The following ZNF264 variants were observed in gnomAD, a reference collection of about 807,000 sequenced individuals.
ZNF264 encodes the protein zinc finger protein 264.
In ZNF264, 11 loss-of-function variants were observed where a neutral mutation model predicts 11.2. That is an observed-to-expected ratio of 0.98 (90% CI 0.62 to 1.63). The LOEUF (loss-of-function observed/expected upper bound fraction) is 1.63, where lower values mean the gene tolerates loss of function less well. Ranked by LOEUF, ZNF264 falls within the 40% of genes most tolerant of loss-of-function variation. ZNF264 has a pLI of 0.00. For synonymous variants in ZNF264, 309 were observed against 279.8 expected (o/e 1.10, Z -1.04); for missense variants, 752 against 768.1 (o/e 0.98, Z 0.25).
rs1011477029 is a variant in ZNF264 at position 57,215,327 on chromosome 19, G to A, written c.*2346G>A. 6.6e-6 allele frequency: 1 copy of A among 152,038 alleles called. No individual in the cohort carries two copies. Among genetic ancestry groups the A allele is most frequent in the African/African-American group, 2.4e-5 (1 of 41,402 alleles). The allele number at this position is 152,038 out of a possible 1,614,324, so 9.4% of individuals were successfully genotyped here. On this transcript the variant is annotated 3_prime_UTR_variant, in exon 4 of 4. Coordinates refer to ENST00000263095, the MANE Select transcript of ZNF264 (RefSeq NM_003417.5). ...AAGGAATATTTCATCTGTATTTGTA[G>A]CACTCCCTTATTCTTTTGATAGCAG...
Position 57,213,047 on chromosome 19 carries a change from A to G in ZNF264, c.*66A>G. On this transcript the variant is annotated 3_prime_UTR_variant, in exon 4 of 4. Coordinates refer to ENST00000263095, the MANE Select transcript of ZNF264 (RefSeq NM_003417.5). ...GTCATATTAGAAATTCGTTCAGTCTAGAGCCTTATTCTCCATCTGATAATT... is the reference window on the plus strand; with the variant it reads ...GTCATATTAGAAATTCGTTCAGTCTGGAGCCTTATTCTCCATCTGATAATT... The G allele has an allele frequency of 1.4e-6, 2 of 1,471,628 alleles. No individual in the cohort carries two copies. The highest frequency in any genetic ancestry group is 2.1e-5 in the Admixed American group (1 of 48,070). The allele number at this position is 1,471,628 out of a possible 1,614,324, so 91.2% of individuals were successfully genotyped here. A position where few individuals can be genotyped will look rare whatever the true frequency, so the allele number is the denominator to read the frequency against.
chr19:57,194,960 G>A (rs1161553575), intron 2 of ZNF264: 1 of 388,692 alleles, frequency 2.6e-6, no homozygotes, highest in African/African-American at 2.1e-5. Flanking sequence ...ATGTTTTTGA[G>A]GTAACAGCTG....
At chr19:57,194,108 G>A in intron 2 of ZNF264, 107 bp downstream of exon 2, 2 of 1,456,954 alleles carry the variant, frequency 1.4e-6, no homozygotes, top group Non-Finnish European at 9.2e-7. Context: ...AATCTACCTT[G>A]CCTCTTTCCC....
At chr19:57,205,629 G>T (rs938006196) in intron 3 of ZNF264, 137 bp downstream of exon 3, 1 of 781,810 alleles carries the variant, frequency 1.3e-6, no homozygotes, top group Admixed American at 2.3e-5. Flanking sequence ...TATCACACTA[G>T]AATGTTCCAT....
Position 57,222,500 on chromosome 19 carries a change from C to T in ZNF264, c.*9519C>T, listed in dbSNP as rs941516112. On this transcript the variant is annotated 3_prime_UTR_variant, in exon 4 of 4. Coordinates refer to ENST00000263095, the MANE Select transcript of ZNF264 (RefSeq NM_003417.5). ...CTTTCAAGAAAGGACCTAGTCTGCTCGCGTTCTCTCTCTCTCTCTCTCTAT... is the reference window on the plus strand; with the variant it reads ...CTTTCAAGAAAGGACCTAGTCTGCTTGCGTTCTCTCTCTCTCTCTCTCTAT... The T allele has an allele frequency of 1.2e-4, 13 of 108,778 alleles. No individual in the cohort carries two copies. In the East Asian group the frequency reaches 2.5e-3, roughly 21 times the overall value. 6.7% of individuals were successfully genotyped at this position (108,778 alleles called of 1,614,324 possible). A position where few individuals can be genotyped will look rare whatever the true frequency, so the allele number is the denominator to read the frequency against.
intron 2 of ZNF264, 192 bp downstream of exon 2, chr19:57,194,193 C>G: frequency 2.8e-6 from 2 of 721,264 alleles, no homozygotes; most frequent in Non-Finnish European, 4.1e-6. Context: ...ACAGGGTACT[C>G]TTTGGCTCCC....
At chr19:57,204,178 A>G (rs2087274294) in intron 2 of ZNF264, among the ~76,000 whole-genome samples, 1 of 149,410 alleles carries the variant, frequency 6.7e-6, no homozygotes, top group South Asian at 2.1e-4. Context: ...TTCACACGCC[A>G]CTGCACTCCA....
intron 2 of ZNF264, among the ~76,000 whole-genome samples, chr19:57,195,167 A>G (rs577184009): frequency 6.6e-6 from 1 of 152,348 alleles, no homozygotes; most frequent in South Asian, 2.1e-4. Context: ...ATAAGGTCAT[A>G]ATTATGCTTA....
intron 1 of ZNF264, among the ~76,000 whole-genome samples, chr19:57,192,813 T>C (rs941390062): frequency 1.3e-5 from 2 of 152,066 alleles, no homozygotes; most frequent in Non-Finnish European, 2.9e-5. Flanking sequence ...CTCACTGCAG[T>C]CTCTGCCTCC....
chr19:57,209,115 A>G (rs1168565092), intron 3 of ZNF264, among the ~76,000 whole-genome samples: 1 of 151,840 alleles, frequency 6.6e-6, no homozygotes, highest in African/African-American at 2.4e-5. Context: ...CTAGTTTTTA[A>G]TTTTGTTCTC....
chr19:57,216,009 T>G lies in ZNF264; in HGVS notation c.*3028T>G, dbSNP rs1160686237. The G allele has an allele frequency of 2.6e-5, 4 of 152,278 alleles. No homozygotes were observed. Among genetic ancestry groups the G allele is most frequent in the Admixed American group, 2.0e-4 (3 of 15,282 alleles). The allele number at this position is 152,278 out of a possible 1,614,324, so 9.4% of individuals were successfully genotyped here. A position where few individuals can be genotyped will look rare whatever the true frequency, so the allele number is the denominator to read the frequency against. On this transcript the variant is annotated 3_prime_UTR_variant, in exon 4 of 4. Transcript: ENST00000263095. ...TTGTTATTCAAGTCAGCTATGTCCT[T>G]GCTGATTTTCTGTCCAGCATTTCTG... is the stretch of plus-strand genomic sequence containing the variant.
rs370551746 is a variant in ZNF264 at position 57,193,964 on chromosome 19, G to A, written c.123G>A (p.Glu41=). Residue 41 remains glutamate (E), a synonymous_variant, in exon 2 of 4, where the codon GAG becomes GAA. Transcript: ENST00000263095. ...LDLAQRTLYQ[E]VMLENCGLLV... is the part of the protein sequence containing the mutation. ...TAGCTCAGCGGACCCTGTACCAGGA[G>A]GTGATGCTGGAAAACTGTGGGCTCC... is the stretch of plus-strand genomic sequence containing the variant. 20 of 1,613,430 alleles carry A rather than the reference G, an allele frequency of 1.2e-5. No homozygotes were observed. Among genetic ancestry groups the A allele is most frequent in the Non-Finnish European group, 1.7e-5 (20 of 1,179,680 alleles).
chr19:57,192,374 A>C, intron 1 of ZNF264: 1 of 985,326 alleles, frequency 1.0e-6, no homozygotes, highest in Non-Finnish European at 1.2e-6. Flanking sequence ...TGAGACGTGG[A>C]GGGCAACAGT....
In ZNF264 at chr19:57,212,653, C is replaced by T. The variant is rs912212830; in HGVS notation, c.1556C>T (p.Ser519Leu). 6.2e-7 allele frequency: 1 copy of T among 1,613,972 alleles called. No homozygotes were observed. The highest frequency in any genetic ancestry group is 1.1e-5 in the South Asian group (1 of 91,074). ...TATGAATGTGTTGAGTGTGGGAAAT[C>T]GTTTTGCTGGAGCACAAACCTCATT... ...KPYECVECGK[S>L]FCWSTNLIRH... is the part of the protein sequence containing the mutation. The change falls in exon 4 of 4, where the codon TCG becomes TTG. Residue 519 changes from serine (S) to leucine (L), a missense_variant. Physicochemically the swap from Ser to Leu is moderately radical, Grantham distance 145. Coordinates refer to ENST00000263095, the MANE Select transcript of ZNF264 (RefSeq NM_003417.5).
chr19:57,205,996 C>T (rs1335165053), intron 3 of ZNF264, among the ~76,000 whole-genome samples: 1 of 152,196 alleles, frequency 6.6e-6, no homozygotes, highest in Non-Finnish European at 1.5e-5. Context: ...CTTCTGTCAT[C>T]AGCCTGTTGC....
chr19:57,201,398 C>T (rs563079477), intron 2 of ZNF264, among the ~76,000 whole-genome samples: 39 of 151,984 alleles, frequency 2.6e-4, no homozygotes, highest in Middle Eastern at 3.4e-3. Flanking sequence ...ATCAGTCCCC[C>T]GCTAAATGAC....
At chr19:57,192,451 C>T in intron 1 of ZNF264, 1 of 985,320 alleles carries the variant, frequency 1.0e-6, no homozygotes, top group Non-Finnish European at 1.2e-6. Flanking sequence ...AGTCAGATGC[C>T]CTTACTCTCA....
chr19:57,209,474 G>C (rs555012831), intron 3 of ZNF264, among the ~76,000 whole-genome samples: 1 of 152,060 alleles, frequency 6.6e-6, no homozygotes, highest in Non-Finnish European at 1.5e-5. Context: ...AATTTGGGTC[G>C]AATTGTCAGT....
rs556743278 is a variant in ZNF264 at position 57,215,686 on chromosome 19, T to A, written c.*2705T>A. The A allele has an allele frequency of 2.6e-5, 4 of 152,350 alleles. No individual in the cohort carries two copies. The South Asian group carries it at 8.3e-4, about 32-fold the overall frequency. The allele number at this position is 152,350 out of a possible 1,614,324, so 9.4% of individuals were successfully genotyped here. ...TGTATAAATTTACCTCATATCACTA[T>A]TGGTTTGATCCCACAAGTTTTAATG... On this transcript the variant is annotated 3_prime_UTR_variant, in exon 4 of 4. Coordinates refer to ENST00000263095, the MANE Select transcript of ZNF264 (RefSeq NM_003417.5).
Sources: gnomAD v4.1 joint callset for allele counts (sites outside exome capture counted in the v4.1 genomes callset) on GRCh38, gnomAD v4.1.1 for gene constraint, MANE v1.5 for transcripts, NCBI Gene and HGNC (gene_info 2026-07-23, HGNC 2026-07-21) for gene names.